Variants in LAMA2 observed in about 807,000 individuals in gnomAD.
The protein encoded by LAMA2 is laminin subunit alpha-2.
Under a neutral mutation model 364.8 loss-of-function variants are expected in LAMA2, and 269 were observed. That is an observed-to-expected ratio of 0.74 (90% CI 0.67 to 0.82). The LOEUF (loss-of-function observed/expected upper bound fraction) is 0.82, where lower values mean the gene tolerates loss of function less well. LAMA2 is among the 40% of genes least tolerant of loss of function. LAMA2 has a pLI of 0.00. For synonymous variants in LAMA2, 1,379 were observed against 1,370.6 expected (o/e 1.01, Z -0.14); for missense variants, 3,807 against 3,873.2 (o/e 0.98, Z 0.45).
chr6:129,099,508 CTACCTAAT>C (rs1407953910), intron 4 of LAMA2, among the ~76,000 whole-genome samples: 2 of 152,100 alleles, frequency 1.3e-5, no homozygotes, highest in Non-Finnish European at 2.9e-5. Context: ...TCCTTTCATG[CTACCTAAT>C]TATGTATATC....
intron 12 of LAMA2, among the ~76,000 whole-genome samples, chr6:129,215,154 G>A (rs1783346055): frequency 6.6e-6 from 1 of 152,050 alleles, no homozygotes; most frequent in East Asian, 1.9e-4. Flanking sequence ...TTAGAAATTG[G>A]CTTTGTTGCT....
chr6:129,223,826 G>A (rs1444079475), intron 12 of LAMA2, among the ~76,000 whole-genome samples: 1 of 152,094 alleles, frequency 6.6e-6, no homozygotes, highest in Non-Finnish European at 1.5e-5. Context: ...GGGAATGTGG[G>A]CTCTTTTTTG....
At chr6:129,275,498 T>C (rs1022920242) in intron 17 of LAMA2, among the ~76,000 whole-genome samples, 2 of 151,806 alleles carry the variant, frequency 1.3e-5, no homozygotes, top group Admixed American at 6.6e-5. Flanking sequence ...AAAAAATCAA[T>C]AGAATTTAAT....
chr6:129,447,060 A>G (rs1782421092), intron 45 of LAMA2, among the ~76,000 whole-genome samples: 1 of 152,234 alleles, frequency 6.6e-6, no homozygotes, highest in Non-Finnish European at 1.5e-5. Flanking sequence ...ACCAGATGTT[A>G]CTTCAAGGTT....
chr6:129,418,980 C>T (rs1677233633), intron 40 of LAMA2, among the ~76,000 whole-genome samples: 1 of 151,968 alleles, frequency 6.6e-6, no homozygotes, highest in Admixed American at 6.6e-5. Flanking sequence ...TATGCACTAC[C>T]TCACATACTG....
At chr6:128,933,959 GT>G (rs1050944832) in intron 1 of LAMA2, among the ~76,000 whole-genome samples, 2 of 152,080 alleles carry the variant, frequency 1.3e-5, no homozygotes, top group Non-Finnish European at 2.9e-5. Context: ...ACACTTCTTT[GT>G]TTTTGCTTTC....
At chr6:128,936,133 T>A (rs917911279) in intron 1 of LAMA2, among the ~76,000 whole-genome samples, 13 of 152,256 alleles carry the variant, frequency 8.5e-5, no homozygotes, top group Non-Finnish European at 1.3e-4. Context: ...GTAAGCTTCC[T>A]GAGGTCTCCC....
At chr6:129,512,058 T>C (rs1268864195) in intron 62 of LAMA2, among the ~76,000 whole-genome samples, 1 of 152,154 alleles carries the variant, frequency 6.6e-6, no homozygotes, top group Admixed American at 6.6e-5. Context: ...TAAACCCTCA[T>C]GTTGTGCCAG....
At chr6:129,066,047 T>TTTTTTTTTTTTTTTTTC (rs71028144) in intron 3 of LAMA2, among the ~76,000 whole-genome samples, 2 of 81,932 alleles carry the variant, frequency 2.4e-5, no homozygotes, top group Non-Finnish European at 5.0e-5. Flanking sequence ...GGTTTTTTTT[T>TTTTTTTTTTTTTTTTTC]TTTTTTTTTT....
intron 40 of LAMA2, among the ~76,000 whole-genome samples, chr6:129,409,817 T>C (rs6910113): frequency 0.5 from 76,326 of 152,066 alleles, 19,660 homozygotes; most frequent in African/African-American, 0.62. Context: ...AGTCTGGACT[T>C]GTTGCAGAGC....
At chr6:129,009,869 C>T (rs147817738) in intron 1 of LAMA2, among the ~76,000 whole-genome samples, 152 of 152,192 alleles carry the variant, frequency 1.0e-3, no homozygotes, top group African/African-American at 3.3e-3. Context: ...AGTATGCTTT[C>T]TTGATTATAT....
At chr6:129,167,322 C>A (rs575328893) in intron 9 of LAMA2, among the ~76,000 whole-genome samples, 1 of 132,660 alleles carries the variant, frequency 7.5e-6, no homozygotes, top group Non-Finnish European at 1.6e-5. Flanking sequence ...TCCCCCCACC[C>A]CACAACAGTC....
In LAMA2 at chr6:129,413,567, C is replaced by T. The variant is rs138744745; in HGVS notation, c.5865+9608C>T. 4.3e-3 allele frequency among the ~76,000 whole-genome samples: 658 copies of T among 152,204 alleles called. 7 individuals are homozygous for T. Among genetic ancestry groups the T allele is most frequent in the African/African-American group, 0.015 (638 of 41,544 alleles). ...TCAGCAAATCCTAATGATCCAATAG[C>T]ATCTAGACTACATCCTCTTATCATA... is the stretch of plus-strand genomic sequence containing the variant. On this transcript the variant is annotated intron_variant, in intron 40 of 64. Coordinates refer to ENST00000421865, the MANE Select transcript of LAMA2 (RefSeq NM_000426.4).
At chr6:128,904,933 C>G (rs1582639001) in intron 1 of LAMA2, among the ~76,000 whole-genome samples, 1 of 152,284 alleles carries the variant, frequency 6.6e-6, no homozygotes, top group African/African-American at 2.4e-5. Context: ...AATAACGTCT[C>G]TTTTCCAAGA....
At chr6:129,377,630 T>C (rs1248978919) in intron 34 of LAMA2, among the ~76,000 whole-genome samples, 1 of 152,212 alleles carries the variant, frequency 6.6e-6, no homozygotes, top group Non-Finnish European at 1.5e-5. Flanking sequence ...GAGAGTATCA[T>C]ATAAATGATT....
chr6:129,499,608 G>A (rs1045135531), intron 58 of LAMA2, among the ~76,000 whole-genome samples: 4 of 152,184 alleles, frequency 2.6e-5, no homozygotes, highest in Non-Finnish European at 4.4e-5. Context: ...GAAAAAAGAA[G>A]CTTGAGCAGC....
At chr6:129,112,794 A>C (rs78150624) in intron 4 of LAMA2, among the ~76,000 whole-genome samples, 4,413 of 151,968 alleles carry the variant, frequency 0.029, 212 homozygotes, top group African/African-American at 0.1. Flanking sequence ...AAAATGTGGA[A>C]GGGAGTGATG....
At chr6:129,082,300 T>C (rs1774110593) in intron 3 of LAMA2, among the ~76,000 whole-genome samples, 1 of 152,114 alleles carries the variant, frequency 6.6e-6, no homozygotes, top group African/African-American at 2.4e-5. Flanking sequence ...TACTGCAACA[T>C]TACTTTCTTA....
At position 129,287,901 on chromosome 6, in the gene LAMA2, A is replaced by T; in HGVS notation, c.2592A>T (p.Pro864=). Residue 864 remains proline, a synonymous_variant, in exon 19 of 65, where the codon CCA becomes CCT. Coordinates refer to ENST00000421865, the MANE Select transcript of LAMA2 (RefSeq NM_000426.4). ...QPSVPGGSCQ[P]CQCNDNLDFS... ...CTGTACCTGGAGGATCATGTCAGCC[A>T]TGCCAATGCAATGACAACCTTGACT... 6.2e-7 allele frequency: 1 copy of T among 1,614,106 alleles called. No individual in the cohort carries two copies. Among genetic ancestry groups the T allele is most frequent in the Non-Finnish European group, 8.5e-7 (1 of 1,179,972 alleles).
Sources: gnomAD v4.1 joint callset for allele counts (sites outside exome capture counted in the v4.1 genomes callset) on GRCh38, gnomAD v4.1.1 for gene constraint, MANE v1.5 for transcripts, NCBI Gene and HGNC (gene_info 2026-07-23, HGNC 2026-07-21) for gene names.